The following CADM2 variants were observed in gnomAD, a reference collection of about 807,000 sequenced individuals.
CADM2 encodes the protein immunoglobulin superfamily member 4D.
In CADM2, 12 loss-of-function variants were observed where a neutral mutation model predicts 49.8. The observed-to-expected ratio is 0.24, with a 90% confidence interval of 0.15 to 0.39. The LOEUF is 0.39. Ranked by LOEUF, CADM2 falls within the 10% of genes least tolerant of loss-of-function variation. CADM2 has a pLI of 1.00. For synonymous variants in CADM2, 214 were observed against 175.4 expected (o/e 1.22, Z -1.74); for missense variants, 378 against 492.3 (o/e 0.77, Z 2.20).
At chr3:85,364,493 C>G (rs981175900) in intron 1 of CADM2, among the ~76,000 whole-genome samples, 1 of 152,034 alleles carries the variant, frequency 6.6e-6, no homozygotes, top group Non-Finnish European at 1.5e-5. Context: ...CATAAGAGCT[C>G]GTTATTAGTG....
intron 6 of CADM2, among the ~76,000 whole-genome samples, chr3:85,916,836 G>T (rs1039111034): frequency 6.6e-6 from 1 of 152,056 alleles, no homozygotes; most frequent in African/African-American, 2.4e-5. Flanking sequence ...AGCACCTGTT[G>T]TTTCCTGACT....
rs544800765 is a variant in CADM2, at chr3:85,014,815, T to A, written c.61+55147T>A. Among the ~76,000 whole-genome samples, 440 of 152,280 alleles carry A rather than the reference T, an allele frequency of 2.9e-3. 3 individuals are homozygous for A. The highest frequency in any genetic ancestry group is 0.01 in the African/African-American group (423 of 41,566). The stretch of plus-strand genomic sequence containing the variant: ...TCTAGGAAATTACATACCATCAATG[T>A]TTCATTATGCTTTCGGGCACGCAAA... On this transcript the variant is annotated intron_variant, in intron 1 of 9. Coordinates refer to ENST00000383699, the MANE Select transcript of CADM2 (RefSeq NM_001167675.2).
At chr3:85,568,617 T>TC (rs1170065240) in intron 1 of CADM2, among the ~76,000 whole-genome samples, 16 of 144,952 alleles carry the variant, frequency 1.1e-4, no homozygotes, top group South Asian at 2.3e-4. Context: ...TCTTTCTTTT[T>TC]TTTTTTTTTT....
At chr3:85,536,191 A>C (rs2061418115) in intron 1 of CADM2, among the ~76,000 whole-genome samples, 1 of 152,156 alleles carries the variant, frequency 6.6e-6, no homozygotes, top group Middle Eastern at 3.4e-3. Context: ...TTAAAATATA[A>C]GAAAAGTTGA....
chr3:85,180,836 A>G (rs945672271), intron 1 of CADM2, among the ~76,000 whole-genome samples: 18 of 152,196 alleles, frequency 1.2e-4, no homozygotes, highest in African/African-American at 4.3e-4. Context: ...TATTAATCAC[A>G]CAATACTCCT....
chr3:85,690,234 A>T (rs1033139830), intron 1 of CADM2, among the ~76,000 whole-genome samples: 2 of 152,208 alleles, frequency 1.3e-5, no homozygotes, highest in African/African-American at 4.8e-5. Context: ...CAAATGGAGT[A>T]GCTAGTAGAG....
intron 1 of CADM2, among the ~76,000 whole-genome samples, chr3:85,017,214 G>A (rs528174997): frequency 2.0e-5 from 3 of 152,278 alleles, no homozygotes; most frequent in Admixed American, 6.5e-5. Flanking sequence ...AAAGATGAAT[G>A]ACTATTAAGT....
In CADM2 at chr3:85,944,224, A is replaced by G. The variant is rs188292213; in HGVS notation, c.791+8367A>G. Among the ~76,000 whole-genome samples the G allele has an allele frequency of 9.5e-4, 145 of 152,280 alleles. No homozygotes were observed. In the Middle Eastern group the frequency reaches 0.014, roughly 14 times the overall value. ...ATCAATTCGACAACAAGAGCGAACT[A>G]TCCTAAATATATATGCGCCCAATAC... On this transcript the variant is annotated intron_variant, in intron 7 of 9. Coordinates refer to ENST00000383699, the MANE Select transcript of CADM2 (RefSeq NM_001167675.2).
intron 1 of CADM2, among the ~76,000 whole-genome samples, chr3:84,993,219 A>G (rs1198693561): frequency 6.6e-6 from 1 of 152,176 alleles, no homozygotes; most frequent in African/African-American, 2.4e-5. Flanking sequence ...GGCAATTCCT[A>G]AAACGAAAAG....
rs527704490 is a variant in CADM2 at position 85,180,094 on chromosome 3, T to C, written c.61+220426T>C. ...TCTTTTACATTCAAATTGGGCTTAT[T>C]GAATATAAATAAAATAAATAAGTAA... On this transcript the variant is annotated intron_variant, in intron 1 of 9. Transcript: ENST00000383699. Among the ~76,000 whole-genome samples, 306 of 152,212 alleles carry C rather than the reference T, an allele frequency of 2.0e-3. 1 individual carries two copies. The highest frequency in any genetic ancestry group is 7.0e-3 in the African/African-American group (292 of 41,564).
chr3:85,869,102 T>G (rs1290869139), intron 3 of CADM2, among the ~76,000 whole-genome samples: 4 of 152,172 alleles, frequency 2.6e-5, no homozygotes, highest in Non-Finnish European at 5.9e-5. Flanking sequence ...ATTGTATTTT[T>G]CATGCTTCCC....
chr3:85,572,302 A>T (rs529052132), intron 1 of CADM2, among the ~76,000 whole-genome samples: 1 of 152,294 alleles, frequency 6.6e-6, no homozygotes, highest in Non-Finnish European at 1.5e-5. Context: ...TAAATAAAAA[A>T]TAAATAAACT....
At chr3:85,552,506 G>A (rs9833049) in intron 1 of CADM2, among the ~76,000 whole-genome samples, 103,063 of 148,460 alleles carry the variant, frequency 0.69, 40,551 homozygotes, top group East Asian at 0.87. Context: ...TCAGCCTACC[G>A]AGTAGCTGAG....
intron 1 of CADM2, among the ~76,000 whole-genome samples, chr3:85,490,860 A>T (rs75918559): frequency 3.3e-5 from 5 of 152,000 alleles, no homozygotes; most frequent in Non-Finnish European, 7.4e-5. Flanking sequence ...AAAAAAAAAA[A>T]GTAGTACAAA....
intron 1 of CADM2, among the ~76,000 whole-genome samples, chr3:85,275,677 C>A (rs564637822): frequency 6.6e-6 from 1 of 151,206 alleles, no homozygotes; most frequent in East Asian, 1.9e-4. Flanking sequence ...ACAAAATGTT[C>A]TCTTTTAATA....
chr3:85,209,550 T>C (rs1576123445), intron 1 of CADM2, among the ~76,000 whole-genome samples: 1 of 152,124 alleles, frequency 6.6e-6, no homozygotes, highest in Admixed American at 6.5e-5. Context: ...TGCATTGATA[T>C]TACTTCCCAT....
chr3:85,833,461 G>C (rs1331724046), intron 3 of CADM2, among the ~76,000 whole-genome samples: 3 of 151,640 alleles, frequency 2.0e-5, no homozygotes, highest in African/African-American at 7.3e-5. Context: ...ATCTGATCCA[G>C]GGCTCTTTTT....
At chr3:85,991,744 A>G (rs1487286846) in intron 8 of CADM2, among the ~76,000 whole-genome samples, 4 of 152,162 alleles carry the variant, frequency 2.6e-5, no homozygotes, top group African/African-American at 9.7e-5. Flanking sequence ...TACTATAAAA[A>G]TTTATTAAGG....
intron 2 of CADM2, among the ~76,000 whole-genome samples, chr3:85,799,506 T>C (rs2071856732): frequency 6.6e-6 from 1 of 152,216 alleles, no homozygotes; most frequent in Non-Finnish European, 1.5e-5. Context: ...GTCAAAGGCC[T>C]TTTCTTTATC....
Sources: allele counts gnomAD v4.1 joint callset (sites outside exome capture counted in the v4.1 genomes callset), GRCh38; gene constraint gnomAD v4.1.1; transcripts MANE v1.5; gene names NCBI Gene and HGNC (gene_info 2026-07-23, HGNC 2026-07-21).